Variants in LTBP2 observed in about 807,000 individuals in gnomAD.
LTBP2 encodes latent transforming growth factor beta binding protein 2.
Under a neutral mutation model 210.6 loss-of-function variants are expected in LTBP2, and 103 were observed. The observed-to-expected ratio is 0.49, with a 90% CI of 0.42 to 0.58. The LOEUF is 0.58. LTBP2 is among the 20% of genes least tolerant of loss of function. The pLI is 0.00. For missense variants in LTBP2, 2,313 were observed against 2,494.5 expected, an observed-to-expected ratio of 0.93 and a Z score of 1.55; for synonymous variants, 1,007 against 1,015.0, an observed-to-expected ratio of 0.99 and a Z score of 0.15.
At chr14:74,578,069 A>C (rs1210599470) in intron 3 of LTBP2, among the ~76,000 whole-genome samples, 1 of 152,030 alleles carries the variant, frequency 6.6e-6, no homozygotes, top group Non-Finnish European at 1.5e-5. Flanking sequence ...GGAGGGTGGC[A>C]GCGGTGGGAG....
chr14:74,557,962 C>G (rs2087749846), intron 3 of LTBP2, among the ~76,000 whole-genome samples: 1 of 152,178 alleles, frequency 6.6e-6, no homozygotes, highest in African/African-American at 2.4e-5. Context: ...CCCAGTAGGT[C>G]CCATGCCAAC....
intron 3 of LTBP2, 125 bp downstream of exon 3, chr14:74,585,729 G>T: frequency 2.1e-6 from 3 of 1,449,832 alleles, no homozygotes; most frequent in East Asian, 2.4e-5. Context: ...AAGGAGGGTG[G>T]GGAGGAGAGA....
Position 74,599,486 on chromosome 14 carries a change from A to C in LTBP2, c.565+4149T>G, listed in dbSNP as rs1431131462. 2.0e-5 allele frequency among the ~76,000 whole-genome samples: 3 copies of C among 152,216 alleles called. No homozygotes were observed. In the East Asian group the frequency reaches 5.8e-4, roughly 29 times the overall value. ...TCCAAAAGCTGCAACTATAAACAGGACACTGTCACTCCACACCCTCCAGTT... is the reference window on the plus strand; with the variant it reads ...TCCAAAAGCTGCAACTATAAACAGGCCACTGTCACTCCACACCCTCCAGTT... On this transcript the variant is annotated intron_variant, in intron 2 of 35. Transcript: ENST00000261978.
rs1320585441 is a variant in LTBP2 at position 74,526,112 on chromosome 14, G to A, written c.2391C>T (p.Val797=). ...PDKGDSQAGQ[V]TTSVTHAPAW... is the part of the protein sequence containing the mutation. Reference sequence around the variant, plus strand: ...CAGGTGCATGAGTGACACTGGTCGTGACCTGCACAGAAACAGGAGAAGGTC... The same window carrying A: ...CAGGTGCATGAGTGACACTGGTCGTAACCTGCACAGAAACAGGAGAAGGTC... The change falls in exon 14 of 36, where the codon GTC becomes GTT. Residue 797 remains valine, a splice_region_variant and synonymous_variant. Transcript: ENST00000261978. 3 of 1,601,466 alleles carry A rather than the reference G, an allele frequency of 1.9e-6. No homozygotes were observed. The highest frequency in any genetic ancestry group is 2.7e-5 in the African/African-American group (2 of 74,676).
At chr14:74,533,432 A>G (rs2087377395) in intron 9 of LTBP2, among the ~76,000 whole-genome samples, 1 of 152,170 alleles carries the variant, frequency 6.6e-6, no homozygotes, top group African/African-American at 2.4e-5. Flanking sequence ...GGGGCAGCCA[A>G]GTCCCTCCTA....
In LTBP2 at chr14:74,552,214, A is replaced by G. The variant is rs758647062; in HGVS notation, c.1372T>C (p.Phe458Leu). The G allele has an allele frequency of 1.2e-6, 2 of 1,611,436 alleles. No homozygotes were observed. Among genetic ancestry groups the G allele is most frequent in the Non-Finnish European group, 1.7e-6 (2 of 1,179,422 alleles). ...AGCTGGTTGGAGAGCGGCAGTGTGA[A>G]AGTGGACTGCTTCAGTGGGGCTTCC... Reference protein sequence around the residue: ...LLEAPLKQSTFTLPLSNQLAS... With the variant: ...LLEAPLKQSTLTLPLSNQLAS... Residue 458 changes from phenylalanine to leucine, a missense_variant, in exon 6 of 36, where the codon TTC (phenylalanine) becomes CTC (leucine). This residue lies in a region of LTBP2 where 1,867 missense variants were observed against 1,976.9 expected (regional missense o/e 0.94). Coordinates refer to ENST00000261978, the MANE Select transcript of LTBP2 (RefSeq NM_000428.3).
chr14:74,608,392 G>T (rs8009788), intron 1 of LTBP2, among the ~76,000 whole-genome samples: 15,089 of 151,894 alleles, frequency 0.099, 1,364 homozygotes, highest in African/African-American at 0.23. Flanking sequence ...TATACAGGTG[G>T]TCTGCTGTGA....
intron 1 of LTBP2, among the ~76,000 whole-genome samples, chr14:74,609,569 C>G (rs778846202): frequency 6.6e-6 from 1 of 152,194 alleles, no homozygotes; most frequent in Non-Finnish European, 1.5e-5. Context: ...CCAGTGCCAA[C>G]AGTAAAAAGC....
chr14:74,598,483 C>T (rs377393605), intron 2 of LTBP2, among the ~76,000 whole-genome samples: 11 of 152,194 alleles, frequency 7.2e-5, no homozygotes, highest in Non-Finnish European at 1.0e-4. Context: ...ATTCAGTATA[C>T]ACTTATGGAC....
intron 2 of LTBP2, among the ~76,000 whole-genome samples, chr14:74,596,789 C>T (rs535854971): frequency 3.9e-5 from 6 of 152,274 alleles, no homozygotes; most frequent in African/African-American, 9.6e-5. Flanking sequence ...GCAGTCAAGT[C>T]GATGGGGGTG....
At chr14:74,526,321 A>G (rs544951923) in intron 13 of LTBP2, among the ~76,000 whole-genome samples, 1 of 152,288 alleles carries the variant, frequency 6.6e-6, no homozygotes, top group East Asian at 1.9e-4. Context: ...CTTCTCAACT[A>G]TCTTATGATG....
rs754059007 is a variant in LTBP2 at position 74,528,562 on chromosome 14, T to C, written c.2289A>G (p.Ala763=). The stretch of plus-strand genomic sequence containing the variant: ...GCTGCCTCTCTGCTGGCCCGGGCAG[T>C]GCCCCGCTGCTCCTCTGCCCTTGCT... ...PREQGQRSSG[A]LPGPAERQPL... The change falls in exon 12 of 36, where the codon GCA becomes GCG. Residue 763 remains alanine (A), a synonymous_variant. Coordinates refer to ENST00000261978, the MANE Select transcript of LTBP2 (RefSeq NM_000428.3). The C allele has an allele frequency of 8.1e-6, 13 of 1,613,100 alleles. No individual in the cohort carries two copies. Among genetic ancestry groups the C allele is most frequent in the South Asian group, 1.1e-5 (1 of 91,064 alleles).
rs371854639 is a variant in LTBP2, at chr14:74,507,179, C to T, written c.3907G>A (p.Asp1303Asn). The change falls in exon 26 of 36, where the codon GAC (aspartate) becomes AAC (asparagine). Residue 1303 changes from aspartate to asparagine, a missense_variant and splice_region_variant. Asp to Asn is a conservative substitution (Grantham distance 23). Coordinates refer to ENST00000261978, the MANE Select transcript of LTBP2 (RefSeq NM_000428.3). ...FHMAPNGDCI[D>N]IDECANDTMC... ...CTCTCTCTCCTCCCTCCCTACTCAC[C>T]AATGCAGTCTCCGTTCGGGGCCATG... The T allele has an allele frequency of 2.5e-6, 4 of 1,614,038 alleles. No homozygotes were observed. In the African/African-American group the frequency reaches 4.0e-5, roughly 16 times the overall value.
At chr14:74,527,800 G>T (rs1231328307) in intron 12 of LTBP2, among the ~76,000 whole-genome samples, 2 of 152,226 alleles carry the variant, frequency 1.3e-5, no homozygotes, top group African/African-American at 4.8e-5. Flanking sequence ...AACAGTTTGA[G>T]GAAGGAGTGG....
chr14:74,578,863 G>A (rs544444773), intron 3 of LTBP2, among the ~76,000 whole-genome samples: 1 of 152,130 alleles, frequency 6.6e-6, no homozygotes, highest in East Asian at 1.9e-4. Flanking sequence ...CTTTTTGTTT[G>A]TTTGTTTTCG....
intron 2 of LTBP2, among the ~76,000 whole-genome samples, chr14:74,603,002 A>C (rs2088469637): frequency 6.6e-6 from 1 of 152,248 alleles, no homozygotes; most frequent in Admixed American, 6.5e-5. Flanking sequence ...ACATAGGTGC[A>C]TGCAGTCTCC....
At chr14:74,506,290 C>G in intron 27 of LTBP2, 99 bp from the exon 28 acceptor site, 1 of 1,505,520 alleles carries the variant, frequency 6.6e-7, no homozygotes, top group Non-Finnish European at 9.2e-7. Flanking sequence ...CAGGCTAGGC[C>G]TTGGGGAAGA....
rs574287583 is a variant in LTBP2, at chr14:74,503,434, C to A, written c.4720+35G>T. The A allele has an allele frequency of 7.7e-5, 124 of 1,609,310 alleles. No individual in the cohort carries two copies. In the South Asian group the frequency reaches 1.3e-3, roughly 17 times the overall value. ...CACATGAGCCCCCCAGCCCAGGTACCCTTCTCCTGCTCCCCCACGCTCAGG... is the reference window on the plus strand; with the variant it reads ...CACATGAGCCCCCCAGCCCAGGTACACTTCTCCTGCTCCCCCACGCTCAGG... On this transcript the variant is annotated intron_variant, in intron 32 of 35. Transcript: ENST00000261978.
intron 3 of LTBP2, among the ~76,000 whole-genome samples, chr14:74,577,834 T>C (rs1217809475): frequency 6.6e-6 from 1 of 151,868 alleles, no homozygotes; most frequent in Non-Finnish European, 1.5e-5. Context: ...TTAGAGGAGA[T>C]CCACACTAGC....
Sources: gnomAD v4.1 joint callset for allele counts (sites outside exome capture counted in the v4.1 genomes callset) on GRCh38, gnomAD v4.1.1 for gene constraint, gnomAD v4.1.1 regional missense constraint, MANE v1.5 for transcripts, NCBI Gene and HGNC (gene_info 2026-07-23, HGNC 2026-07-21) for gene names.